The following KCNH1 variants were observed in gnomAD, a reference collection of about 807,000 sequenced individuals.
KCNH1 encodes the protein potassium voltage-gated channel subfamily H member 1.
A neutral mutation model predicts 69.2 loss-of-function variants in KCNH1; 27 were observed. The observed-to-expected ratio is 0.39, with a 90% CI of 0.29 to 0.54. KCNH1 has a LOEUF of 0.54. Among genes scored for constraint, KCNH1 ranks in the 20% least tolerant of loss-of-function variants. The pLI is 0.68. For missense variants in KCNH1, 798 were observed against 1,261.6 expected (o/e 0.63, Z 5.57); for synonymous variants, 456 against 487.7 (o/e 0.93, Z 0.86).
intron 10 of KCNH1, among the ~76,000 whole-genome samples, chr1:210,733,209 G>T (rs1351068016): frequency 1.3e-5 from 2 of 152,046 alleles, no homozygotes; most frequent in Non-Finnish European, 2.9e-5. Context: ...TCAGAAAGCT[G>T]TGCATGTTGG....
At chr1:211,103,662 T>C in intron 2 of KCNH1, 60 bp from the exon 3 acceptor site, 3 of 1,089,794 alleles carry the variant, frequency 2.8e-6, no homozygotes, top group Non-Finnish European at 4.2e-6. Flanking sequence ...TACAAGCATA[T>C]GTTAAATATC....
intron 6 of KCNH1, among the ~76,000 whole-genome samples, chr1:210,955,468 A>T (rs563901913): frequency 6.6e-6 from 1 of 152,322 alleles, no homozygotes; most frequent in African/African-American, 2.4e-5. Flanking sequence ...TGGGGATGGC[A>T]TTGAATCTGT....
At chr1:210,962,693 A>C (rs1042928920) in intron 6 of KCNH1, among the ~76,000 whole-genome samples, 3 of 151,914 alleles carry the variant, frequency 2.0e-5, no homozygotes, top group Admixed American at 6.6e-5. Flanking sequence ...TTTTAATCAT[A>C]AAAACAATGC....
chr1:210,865,197 C>T (rs904977464), intron 7 of KCNH1, among the ~76,000 whole-genome samples: 2 of 152,234 alleles, frequency 1.3e-5, no homozygotes, highest in African/African-American at 4.8e-5. Flanking sequence ...TCAAGCTAAA[C>T]ATATGCCCCC....
intron 7 of KCNH1, among the ~76,000 whole-genome samples, chr1:210,843,045 T>C (rs1253891728): frequency 6.6e-6 from 1 of 152,204 alleles, no homozygotes; most frequent in African/African-American, 2.4e-5. Context: ...TCCTCTAAAA[T>C]GTCCTTGGTG....
chr1:210,721,177 T>C (rs2149026610), intron 10 of KCNH1, among the ~76,000 whole-genome samples: 1 of 152,124 alleles, frequency 6.6e-6, no homozygotes, highest in Middle Eastern at 3.4e-3. Flanking sequence ...CTCCACTGTA[T>C]CTAGGAGCCC....
chr1:210,911,659 T>C (rs985135263), intron 7 of KCNH1, among the ~76,000 whole-genome samples: 2 of 148,244 alleles, frequency 1.3e-5, no homozygotes, highest in Admixed American at 6.7e-5. Context: ...AGGAAAGGGA[T>C]TTTTCAAATA....
chr1:210,795,637 T>C (rs1213901289), intron 9 of KCNH1, among the ~76,000 whole-genome samples: 1 of 152,188 alleles, frequency 6.6e-6, no homozygotes, highest in East Asian at 1.9e-4. Context: ...GGGGCTTTTC[T>C]TTTTCTTTCT....
At chr1:210,778,560 G>A (rs1468222025) in intron 9 of KCNH1, among the ~76,000 whole-genome samples, 1 of 150,374 alleles carries the variant, frequency 6.7e-6, no homozygotes. Context: ...TACCTGCCAG[G>A]TTACGTAATA....
intron 7 of KCNH1, among the ~76,000 whole-genome samples, chr1:210,827,217 T>TC (rs1685050710): frequency 6.6e-6 from 1 of 152,006 alleles, no homozygotes; most frequent in Non-Finnish European, 1.5e-5. Context: ...GTGCCTGTAA[T>TC]CCCAGCTACT....
In KCNH1 at chr1:210,692,802, T is replaced by C. The variant is rs1468375520; in HGVS notation, c.2113-8664A>G. ...AAGACAGGCCTGGAATGGATCCTCC[T>C]CCAAACCTCCAGAAGGAACCAAGGC... On this transcript the variant is annotated intron_variant, in intron 10 of 10. Transcript: ENST00000271751. Among the ~76,000 whole-genome samples the C allele has an allele frequency of 2.0e-5, 3 of 152,294 alleles. No individual in the cohort carries two copies. The East Asian group carries it at 5.8e-4, about 29-fold the overall frequency.
At position 211,032,804 on chromosome 1, in the gene KCNH1, A is replaced by G. The variant is rs1427687945; in HGVS notation, c.559-13548T>C. The stretch of plus-strand genomic sequence containing the variant: ...TTAAATATTAGACCTAAAACCATAA[A>G]AACCCTAGAAGAAAACCTAGGCAAT... On this transcript the variant is annotated intron_variant, in intron 5 of 10. Coordinates refer to ENST00000271751, the MANE Select transcript of KCNH1 (RefSeq NM_172362.3). 5.3e-5 allele frequency among the ~76,000 whole-genome samples: 8 copies of G among 152,356 alleles called. No individual in the cohort carries two copies. The South Asian group carries it at 1.5e-3, about 28-fold the overall frequency.
intron 7 of KCNH1, among the ~76,000 whole-genome samples, chr1:210,870,327 A>G (rs1175506918): frequency 6.6e-6 from 1 of 152,026 alleles, no homozygotes; most frequent in Admixed American, 6.6e-5. Flanking sequence ...CACCTCCACC[A>G]CTAATACTGT....
chr1:210,759,762 G>A (rs1423494840), intron 10 of KCNH1, among the ~76,000 whole-genome samples: 1 of 152,142 alleles, frequency 6.6e-6, no homozygotes, highest in Admixed American at 6.5e-5. Context: ...TATATTTGAG[G>A]ATATAATTCA....
intron 7 of KCNH1, among the ~76,000 whole-genome samples, chr1:210,879,808 T>A (rs1686458048): frequency 6.6e-6 from 1 of 152,056 alleles, no homozygotes; most frequent in African/African-American, 2.4e-5. Flanking sequence ...AGAAATAAAT[T>A]TTTTTTGCAG....
At chr1:210,881,861 G>A (rs752338466) in intron 7 of KCNH1, among the ~76,000 whole-genome samples, 12 of 152,298 alleles carry the variant, frequency 7.9e-5, no homozygotes, top group African/African-American at 2.6e-4. Context: ...AAGATCAAAT[G>A]TTTCCTGGAG....
rs531743768 is a variant in KCNH1, at chr1:211,051,427, A to G, written c.558+31353T>C. Among the ~76,000 whole-genome samples, 8 of 152,190 alleles carry G rather than the reference A, an allele frequency of 5.3e-5. No individual in the cohort carries two copies. In the East Asian group the frequency reaches 1.5e-3, roughly 29 times the overall value. On this transcript the variant is annotated intron_variant, in intron 5 of 10. Transcript: ENST00000271751. ...ATGGCAAGGACAGCTTCTAAGAGGA[A>G]GCCTACCTGGAGTGGGGTAGGAGCA... is the stretch of plus-strand genomic sequence containing the variant.
intron 6 of KCNH1, among the ~76,000 whole-genome samples, chr1:210,931,853 AC>A (rs1054477377): frequency 6.0e-4 from 91 of 151,626 alleles, no homozygotes; most frequent in Middle Eastern, 3.4e-3. Flanking sequence ...AAAAAAAAAA[AC>A]AATCCAGGGT....
chr1:210,889,395 G>A (rs1245736858), intron 7 of KCNH1, among the ~76,000 whole-genome samples: 1 of 152,148 alleles, frequency 6.6e-6, no homozygotes, highest in Non-Finnish European at 1.5e-5. Context: ...GGTATTGACG[G>A]AACGTATCTC....
Sources: gnomAD v4.1 joint callset for allele counts (sites outside exome capture counted in the v4.1 genomes callset) on GRCh38, gnomAD v4.1.1 for gene constraint, MANE v1.5 for transcripts, NCBI Gene and HGNC (gene_info 2026-07-23, HGNC 2026-07-21) for gene names.